PI4KB: variants seen among roughly 807,000 people sequenced by gnomAD.
PI4KB encodes the protein PtdIns 4-kinase beta.
PI4KB carries 23 observed loss-of-function variants against 81.4 expected under a neutral mutation model. The ratio of observed to expected loss-of-function variants is 0.28; its 90% CI spans 0.20 to 0.40. The LOEUF (loss-of-function observed/expected upper bound fraction) is 0.40. PI4KB is among the 10% of genes least tolerant of loss of function. PI4KB has a pLI of 1.00. For synonymous variants in PI4KB, 381 were observed against 406.8 expected (o/e 0.94, Z 0.76); for missense variants, 651 against 1,036.6 (o/e 0.63, Z 5.11).
chr1:151,293,469 G>C, intron 11 of PI4KB: 1 of 1,218,516 alleles, frequency 8.2e-7, no homozygotes, highest in Non-Finnish European at 1.1e-6. Context: ...CAACCTGTGG[G>C]GTAGGGGCAG....
chr1:151,324,673 G>T, intron 1 of PI4KB: 3 of 752,918 alleles, frequency 4.0e-6, no homozygotes, highest in East Asian at 1.3e-4. Flanking sequence ...GCAGATTCCA[G>T]CCAGACAGCC....
At chr1:151,318,711 C>CAAATAAATAAAT (rs145012777) in intron 1 of PI4KB, among the ~76,000 whole-genome samples, 19 of 147,772 alleles carry the variant, frequency 1.3e-4, no homozygotes, top group South Asian at 1.1e-3. Flanking sequence ...AACTCTGTCT[C>CAAATAAATAAAT]AAATAAATAA....
chr1:151,325,116 G>A (rs971282348), intron 1 of PI4KB, among the ~76,000 whole-genome samples: 13 of 151,378 alleles, frequency 8.6e-5, no homozygotes, highest in African/African-American at 3.2e-4. Flanking sequence ...TTCAGCCTCC[G>A]GAGTAGCTGG....
chr1:151,324,279 A>G (rs916810923), intron 1 of PI4KB, among the ~76,000 whole-genome samples: 1 of 152,132 alleles, frequency 6.6e-6, no homozygotes, highest in Non-Finnish European at 1.5e-5. Flanking sequence ...ATTTTTAAAG[A>G]GAGGTTGCTC....
chr1:151,299,241 A>G (rs587668289), intron 8 of PI4KB, among the ~76,000 whole-genome samples, 168 bp from the exon 9 acceptor site: 102 of 152,186 alleles, frequency 6.7e-4, no homozygotes, highest in African/African-American at 2.3e-3. Context: ...TTGGAAAGGA[A>G]GTCTAGGGCC....
chr1:151,308,140 A>G (rs1695938559), intron 3 of PI4KB, among the ~76,000 whole-genome samples: 1 of 152,224 alleles, frequency 6.6e-6, no homozygotes, highest in Non-Finnish European at 1.5e-5. Flanking sequence ...TAGGTTAGCC[A>G]GGGCCACAGA....
intron 4 of PI4KB, among the ~76,000 whole-genome samples, chr1:151,306,906 C>T (rs773826153): frequency 7.9e-5 from 12 of 152,158 alleles, no homozygotes; most frequent in South Asian, 2.1e-4. Flanking sequence ...GAAACCCCGT[C>T]GCTACTAAAA....
chr1:151,305,924 C>A (rs1476416987), intron 5 of PI4KB, among the ~76,000 whole-genome samples: 1 of 152,204 alleles, frequency 6.6e-6, no homozygotes, highest in South Asian at 2.1e-4. Flanking sequence ...ACATTTAAAT[C>A]TGAATCCTTC....
intron 1 of PI4KB, 55 bp downstream of exon 1, chr1:151,327,216 A>ACGGGGGGGCCCCCCCC: frequency 1.9e-5 from 2 of 102,622 alleles, no homozygotes; most frequent in Non-Finnish European, 3.7e-5. Flanking sequence ...TGGGAGAGGG[A>ACGGGGGGGCCCCCCCC]CCCCCCCCCC....
chr1:151,292,695 T>C lies in PI4KB; in HGVS notation c.*157A>G. ...CTGGCTCTCCCACCCCTCAGCAAGCTCTCGCAGTTACCACATGATCCTTCG... is the reference window on the plus strand; with the variant it reads ...CTGGCTCTCCCACCCCTCAGCAAGCCCTCGCAGTTACCACATGATCCTTCG... On this transcript the variant is annotated 3_prime_UTR_variant, in exon 12 of 12. Coordinates refer to ENST00000368873, the MANE Select transcript of PI4KB (RefSeq NM_001369623.2). The C allele has an allele frequency of 1.5e-6, 1 of 689,574 alleles. No homozygotes were observed. Among genetic ancestry groups the C allele is most frequent in the Non-Finnish European group, 2.4e-6 (1 of 418,894 alleles). The allele number at this position is 689,574 out of a possible 1,614,324, so 42.7% of individuals were successfully genotyped here. A position where few individuals can be genotyped will look rare whatever the true frequency, so the allele number is the denominator to read the frequency against.
rs762855154 is a variant in PI4KB, at chr1:151,315,826, T to C, written c.656A>G (p.Tyr219Cys). The C allele has an allele frequency of 3.1e-6, 5 of 1,613,444 alleles. No individual in the cohort carries two copies. The highest frequency in any genetic ancestry group is 1.1e-5 in the South Asian group (1 of 90,984). The change falls in exon 2 of 12, where the codon TAT becomes TGT. Residue 219 changes from tyrosine (Y) to cysteine (C), a missense_variant. Tyr to Cys is a radical substitution (Grantham distance 194). Coordinates refer to ENST00000368873, the MANE Select transcript of PI4KB (RefSeq NM_001369623.2). The part of the protein sequence containing the change: ...SLQCALLLGA[Y>C]SSDMHISTQR... ...AGTGGAAATGTGCATGTCTGAAGAATAGGCCCCAAGCAACAGGGCACACTG... is the reference window on the plus strand; with the variant it reads ...AGTGGAAATGTGCATGTCTGAAGAACAGGCCCCAAGCAACAGGGCACACTG...
chr1:151,319,949 C>T (rs546691415), intron 1 of PI4KB, among the ~76,000 whole-genome samples: 1 of 152,212 alleles, frequency 6.6e-6, no homozygotes. Flanking sequence ...ATAAGGAGGC[C>T]TAGAGATTCT....
chr1:151,297,539 A>AT (rs1181584273), intron 9 of PI4KB, among the ~76,000 whole-genome samples: 293 of 140,586 alleles, frequency 2.1e-3, no homozygotes, highest in African/African-American at 4.6e-3. Context: ...ATATATATAA[A>AT]TTTTTTTTTT....
rs1407244204 is a variant in PI4KB at position 151,292,163 on chromosome 1, T to G, written c.*689A>C. The G allele has an allele frequency of 2.0e-5, 3 of 152,196 alleles. No homozygotes were observed. The highest frequency in any genetic ancestry group is 4.8e-5 in the African/African-American group (2 of 41,420). 9.4% of individuals were successfully genotyped at this position (152,196 alleles called of 1,614,324 possible). A position where few individuals can be genotyped will look rare whatever the true frequency, so the allele number is the denominator to read the frequency against. ...CTAAGGACTTTATTTCAAACAAAAA[T>G]TAAAAATAAAAAATTGAGAGCTCTT... On this transcript the variant is annotated 3_prime_UTR_variant, in exon 12 of 12. Coordinates refer to ENST00000368873, the MANE Select transcript of PI4KB (RefSeq NM_001369623.2).
At chr1:151,305,226 A>G (rs957466993) in intron 5 of PI4KB, among the ~76,000 whole-genome samples, 11 of 152,178 alleles carry the variant, frequency 7.2e-5, no homozygotes, top group African/African-American at 2.4e-4. Flanking sequence ...TCGGCCTCCC[A>G]AAGTGTTGGG....
chr1:151,306,619 G>T (rs1325259910), intron 4 of PI4KB, among the ~76,000 whole-genome samples: 4 of 152,092 alleles, frequency 2.6e-5, no homozygotes, highest in Admixed American at 2.6e-4. Flanking sequence ...GATGTGCTTG[G>T]GCCAAACCAC....
chr1:151,320,014 T>A (rs969523122), intron 1 of PI4KB, among the ~76,000 whole-genome samples: 1 of 152,196 alleles, frequency 6.6e-6, no homozygotes, highest in Non-Finnish European at 1.5e-5. Context: ...TCTGTTCTTG[T>A]ACGTCTGAAA....
intron 2 of PI4KB, 25 bp downstream of exon 2, chr1:151,315,548 T>C: frequency 6.4e-7 from 1 of 1,558,724 alleles, no homozygotes; most frequent in Non-Finnish European, 8.8e-7. Flanking sequence ...CCACCTTTTG[T>C]CTCTGGCCCT....
At chr1:151,307,481 G>T in intron 4 of PI4KB, 93 bp downstream of exon 4, 2 of 735,010 alleles carry the variant, frequency 2.7e-6, no homozygotes, top group Non-Finnish European at 4.8e-6. Flanking sequence ...CTAGGATGTT[G>T]GTGAGGGCCT....
Sources: allele counts gnomAD v4.1 joint callset (sites outside exome capture counted in the v4.1 genomes callset), GRCh38; gene constraint gnomAD v4.1.1; transcripts MANE v1.5; gene names NCBI Gene and HGNC (gene_info 2026-07-23, HGNC 2026-07-21).